The following KIF2A variants were observed in gnomAD, a reference collection of about 807,000 sequenced individuals.
KIF2A encodes the protein kinesin-like protein KIF2A.
KIF2A carries 22 observed loss-of-function variants against 100.2 expected under a neutral mutation model. The observed-to-expected ratio is 0.22, with a 90% CI of 0.16 to 0.31. KIF2A has a LOEUF of 0.31. Ranked by LOEUF, KIF2A falls within the 10% of genes least tolerant of loss-of-function variation. The pLI, the probability that KIF2A is intolerant of heterozygous loss-of-function variation, is 1.00. For missense variants in KIF2A, 495 were observed against 898.7 expected (o/e 0.55, Z 5.74); for synonymous variants, 268 against 285.9 (o/e 0.94, Z 0.63).
At chr5:62,322,861 T>G (rs1669790975) in intron 1 of KIF2A, among the ~76,000 whole-genome samples, 1 of 109,378 alleles carries the variant, frequency 9.1e-6, no homozygotes, top group South Asian at 3.7e-4. Flanking sequence ...TTATGGTTTT[T>G]GGGTTTTTTT....
intron 1 of KIF2A, among the ~76,000 whole-genome samples, chr5:62,319,739 G>T (rs1746009913): frequency 6.6e-6 from 1 of 152,100 alleles, no homozygotes; most frequent in Admixed American, 6.5e-5. Context: ...GACTTGTGTT[G>T]TTCATCCTCC....
intron 1 of KIF2A, among the ~76,000 whole-genome samples, chr5:62,330,336 G>A (rs922202682): frequency 7.9e-5 from 12 of 152,056 alleles, no homozygotes; most frequent in Admixed American, 5.2e-4. Flanking sequence ...GGGCGAGAGT[G>A]AGAAAAAGAA....
At chr5:62,372,636 TG>T (rs1276366159) in intron 17 of KIF2A, 85 bp downstream of exon 17, 2 of 768,918 alleles carry the variant, frequency 2.6e-6, no homozygotes, top group African/African-American at 3.6e-5. Flanking sequence ...TTGCTATTTT[TG>T]TCCTGAGCCA....
At chr5:62,346,993 G>T in intron 1 of KIF2A, 137 bp from the exon 2 acceptor site, 1 of 572,664 alleles carries the variant, frequency 1.7e-6, no homozygotes, top group Admixed American at 3.6e-5. Context: ...CTGTTCCTGA[G>T]GGTCTGTGGA....
chr5:62,344,614 A>C (rs1025379333), intron 1 of KIF2A, among the ~76,000 whole-genome samples: 2 of 152,170 alleles, frequency 1.3e-5, no homozygotes, highest in African/African-American at 4.8e-5. Flanking sequence ...TTCTTGACCC[A>C]CTAATTCTCC....
intron 1 of KIF2A, among the ~76,000 whole-genome samples, chr5:62,313,807 T>C (rs1386459890): frequency 6.6e-6 from 1 of 151,878 alleles, no homozygotes; most frequent in Non-Finnish European, 1.5e-5. Flanking sequence ...CAAAAGGAAT[T>C]TTTTTTTAGG....
chr5:62,365,810 G>A (rs1361633347), intron 15 of KIF2A, among the ~76,000 whole-genome samples: 1 of 152,096 alleles, frequency 6.6e-6, no homozygotes, highest in Admixed American at 6.5e-5. Flanking sequence ...GGAATTGAAA[G>A]CTTTGTTTAG....
At chr5:62,377,562 T>G (rs1741604842) in intron 18 of KIF2A, 99 bp from the exon 19 acceptor site, 1 of 599,278 alleles carries the variant, frequency 1.7e-6, no homozygotes, top group Admixed American at 3.5e-5. Flanking sequence ...TCAAGCCTCT[T>G]CAATTTCTAA....
chr5:62,308,294 A>T, intron 1 of KIF2A: 1 of 1,362,814 alleles, frequency 7.3e-7, no homozygotes. Flanking sequence ...AGTGCTGTTA[A>T]TGTCATTTTT....
chr5:62,355,263 C>A lies in KIF2A; in HGVS notation c.654+9C>A. The A allele has an allele frequency of 7.4e-7, 1 of 1,343,586 alleles. No individual in the cohort carries two copies. Among genetic ancestry groups the A allele is most frequent in the South Asian group, 1.2e-5 (1 of 81,128 alleles). The allele number at this position is 1,343,586 out of a possible 1,614,324, so 83.2% of individuals were successfully genotyped here. ...TAACAACAGCAGATCCTGTAAGATT[C>A]TTTGTAAACCATTATTCTGGAACTT... On this transcript the variant is annotated intron_variant, in intron 7 of 20. Coordinates refer to ENST00000407818, the MANE Select transcript of KIF2A (RefSeq NM_001098511.3).
chr5:62,343,823 A>G (rs1486238751), intron 1 of KIF2A, among the ~76,000 whole-genome samples: 3 of 152,170 alleles, frequency 2.0e-5, no homozygotes, highest in Non-Finnish European at 4.4e-5. Flanking sequence ...TTATTTTGTG[A>G]AAGCTCCCTA....
intron 16 of KIF2A, among the ~76,000 whole-genome samples, chr5:62,370,976 G>C (rs1462388379): frequency 6.6e-6 from 1 of 152,042 alleles, no homozygotes; most frequent in African/African-American, 2.4e-5. Context: ...TAGAAATTTA[G>C]ATTTTTCAGG....
chr5:62,353,306 A>C lies in KIF2A; in HGVS notation c.489A>C (p.Val163=). The change falls in exon 6 of 21, where the codon GTA becomes GTC. Residue 163 remains valine (V), a synonymous_variant. Coordinates refer to ENST00000407818, the MANE Select transcript of KIF2A (RefSeq NM_001098511.3). ...SRRKSNCVKE[V]EKLQEKREKR... ...GAAAATCTAATTGTGTGAAAGAAGT[A>C]GAAAAACTGCAAGAAAAACGAGAGA... 1 of 1,585,034 alleles carries C rather than the reference A, an allele frequency of 6.3e-7. No individual in the cohort carries two copies. The highest frequency in any genetic ancestry group is 8.6e-7 in the Non-Finnish European group (1 of 1,169,016).
intron 16 of KIF2A, among the ~76,000 whole-genome samples, chr5:62,367,391 T>G (rs1741125140): frequency 6.6e-6 from 1 of 151,814 alleles, no homozygotes; most frequent in African/African-American, 2.4e-5. Context: ...CTCAGCCCCC[T>G]GGGTAGCTGG....
intron 9 of KIF2A, among the ~76,000 whole-genome samples, chr5:62,358,527 C>CACATATATAT (rs757603093): frequency 5.3e-5 from 8 of 152,086 alleles, no homozygotes; most frequent in African/African-American, 1.9e-4. Context: ...TAGCTTATTA[C>CACATATATAT]ACATATATAT....
chr5:62,308,689 C>G lies in KIF2A; in HGVS notation c.64+2153C>G, dbSNP rs182259166. On this transcript the variant is annotated intron_variant, in intron 1 of 20. Transcript: ENST00000407818. ...AAGCCAGACACCAAGGAAAATATTGCATAATCTCACTCATATGTAGAATAT... is the reference window on the plus strand; with the variant it reads ...AAGCCAGACACCAAGGAAAATATTGGATAATCTCACTCATATGTAGAATAT... 1.2e-3 allele frequency among the ~76,000 whole-genome samples: 185 copies of G among 152,244 alleles called. 1 individual carries two copies. The highest frequency in any genetic ancestry group is 1.6e-3 in the Non-Finnish European group (107 of 68,032).
chr5:62,360,800 T>C (rs1233142538), intron 9 of KIF2A, among the ~76,000 whole-genome samples: 2 of 152,268 alleles, frequency 1.3e-5, no homozygotes, highest in African/African-American at 4.8e-5. Flanking sequence ...ATATTCTTTT[T>C]GCTTAAGTAT....
At chr5:62,306,590 A>C in intron 1 of KIF2A, 54 bp downstream of exon 1, 1 of 1,422,858 alleles carries the variant, frequency 7.0e-7, no homozygotes, top group East Asian at 2.6e-5. Context: ...TCGGGTGTGC[A>C]CGGAGGGGAC....
intron 11 of KIF2A, 130 bp downstream of exon 11, chr5:62,361,659 G>C (rs1030518380): frequency 1.8e-6 from 1 of 557,522 alleles, no homozygotes; most frequent in Non-Finnish European, 3.2e-6. Flanking sequence ...GTCAATTATA[G>C]GTTATTAGAT....
Sources: gnomAD v4.1 joint callset for allele counts (sites outside exome capture counted in the v4.1 genomes callset) on GRCh38, gnomAD v4.1.1 for gene constraint, MANE v1.5 for transcripts, NCBI Gene and HGNC (gene_info 2026-07-23, HGNC 2026-07-21) for gene names.